The following SHROOM3 variants were observed in gnomAD, a reference collection of about 807,000 sequenced individuals.
SHROOM3 encodes the protein shroom family member 3, also known as protein Shroom3.
A neutral mutation model predicts 138.6 loss-of-function variants in SHROOM3; 47 were observed. The observed-to-expected ratio is 0.34, with a 90% CI of 0.27 to 0.43. The LOEUF (loss-of-function observed/expected upper bound fraction) is 0.43, where lower values mean the gene tolerates loss of function less well. SHROOM3 is among the 20% of genes least tolerant of loss of function. The pLI is 1.00. For synonymous variants in SHROOM3, 1,062 were observed against 1,063.3 expected (o/e 1.00, Z 0.02); for missense variants, 2,491 against 2,596.5 (o/e 0.96, Z 0.88).
intron 2 of SHROOM3, among the ~76,000 whole-genome samples, chr4:76,644,656 A>G (rs1198422944): frequency 1.3e-5 from 2 of 152,134 alleles, no homozygotes; most frequent in African/African-American, 2.4e-5. Context: ...ACATGTATAC[A>G]TTGTGTAATA....
chr4:76,661,227 C>T (rs1158121777), intron 2 of SHROOM3, among the ~76,000 whole-genome samples: 3 of 151,580 alleles, frequency 2.0e-5, no homozygotes, highest in African/African-American at 7.3e-5. Flanking sequence ...AAACTATAAT[C>T]CATTTTCTTT....
intron 1 of SHROOM3, among the ~76,000 whole-genome samples, chr4:76,551,030 G>A (rs1314729944): frequency 6.6e-6 from 1 of 151,660 alleles, no homozygotes; most frequent in African/African-American, 2.4e-5. Flanking sequence ...TTTCGAGACA[G>A]GGTCTCCCTC....
At position 76,543,051 on chromosome 4, in the gene SHROOM3, T is replaced by G. The variant is rs1733139563; in HGVS notation, c.169-12558T>G. ...GTGGGGTGGGGTGAGCAAGTTCTCT[T>G]CAAAACGCTGAATCCCTGGGACCAT... On this transcript the variant is annotated intron_variant, in intron 1 of 10. Transcript: ENST00000296043. Among the ~76,000 whole-genome samples the G allele has an allele frequency of 2.0e-5, 3 of 152,280 alleles. No individual in the cohort carries two copies. The East Asian group carries it at 5.8e-4, about 29-fold the overall frequency.
chr4:76,485,497 C>T (rs1731710624), intron 1 of SHROOM3, among the ~76,000 whole-genome samples: 1 of 152,114 alleles, frequency 6.6e-6, no homozygotes, highest in Admixed American at 6.5e-5. Context: ...GTTCATTCAC[C>T]TCTTTGTAGA....
chr4:76,741,533 C>A lies in SHROOM3; in HGVS notation c.3360C>A (p.Tyr1120Ter). 1 of 1,552,940 alleles carries A rather than the reference C, an allele frequency of 6.4e-7. No homozygotes were observed. Among genetic ancestry groups the A allele is most frequent in the East Asian group, 2.4e-5 (1 of 41,886 alleles). Residue 1120 changes from tyrosine (Y) to a stop codon, truncating the protein, a stop_gained, in exon 5 of 11, where the codon TAC becomes TAA. Transcript: ENST00000296043. LOFTEE classifies it high-confidence loss of function. This position sits in a 1 kb window ranked among gnomAD's most constrained non-coding sequence, Gnocchi z 6.2. ...GPLRERAQSAYLQPGPAALEG... is the reference protein window; with the variant it reads ...GPLRERAQSA Reference sequence around the variant, plus strand: ...TGCGTGAGCGCGCCCAGAGTGCCTACCTCCAGCCCGGCCCCGCGGCGCTCG... The same window carrying A: ...TGCGTGAGCGCGCCCAGAGTGCCTAACTCCAGCCCGGCCCCGCGGCGCTCG...
At chr4:76,441,086 GTTTTTT>G (rs374530154) in intron 1 of SHROOM3, among the ~76,000 whole-genome samples, 2 of 82,182 alleles carry the variant, frequency 2.4e-5, no homozygotes, top group East Asian at 4.6e-4. Flanking sequence ...AGTTCAATTT[GTTTTTT>G]TTTTTTTTTT....
intron 1 of SHROOM3, among the ~76,000 whole-genome samples, chr4:76,528,946 G>GGGTGACATTAA (rs1206838647): frequency 6.6e-6 from 1 of 152,198 alleles, no homozygotes; most frequent in African/African-American, 2.4e-5. Flanking sequence ...GTGGGCAACT[G>GGGTGACATTAA]TGACGTCTTC....
chr4:76,757,564 G>T (rs1560617814), intron 8 of SHROOM3, among the ~76,000 whole-genome samples: 1 of 152,206 alleles, frequency 6.6e-6, no homozygotes, highest in East Asian at 1.9e-4. Context: ...AGAGCCTAGA[G>T]AAATAGATTC....
At chr4:76,625,821 T>C (rs1484837569) in intron 2 of SHROOM3, among the ~76,000 whole-genome samples, 1 of 152,248 alleles carries the variant, frequency 6.6e-6, no homozygotes, top group Middle Eastern at 3.2e-3. Flanking sequence ...GTATTTAAAC[T>C]TCTCTCTTCC....
At chr4:76,548,896 T>C (rs1248672910) in intron 1 of SHROOM3, among the ~76,000 whole-genome samples, 1 of 151,868 alleles carries the variant, frequency 6.6e-6, no homozygotes, top group Admixed American at 6.5e-5. Flanking sequence ...ACACGGTGTG[T>C]TATCTGAAGT....
intron 2 of SHROOM3, among the ~76,000 whole-genome samples, chr4:76,560,662 A>AT (rs1344618265): frequency 6.6e-6 from 1 of 152,162 alleles, no homozygotes; most frequent in Admixed American, 6.5e-5. Flanking sequence ...TTGTAAGTGA[A>AT]TTTTTTGTGT....
At position 76,740,692 on chromosome 4, in the gene SHROOM3, C is replaced by T. The variant is rs761718159; in HGVS notation, c.2519C>T (p.Pro840Leu). ...ATTCGTTTCTCTGAGTCAGCTGAAC[C>T]CCTAGGCAACGGGGAGCAGCACTTC... is the stretch of plus-strand genomic sequence containing the variant. ...AHIRFSESAE[P>L]LGNGEQHFKN... Residue 840 changes from proline to leucine, a missense_variant, in exon 5 of 11, where the codon CCC (proline) becomes CTC (leucine). Coordinates refer to ENST00000296043, the MANE Select transcript of SHROOM3 (RefSeq NM_020859.4). The surrounding 1 kb of genome is among the most constrained non-coding windows in gnomAD (Gnocchi z 4.0). 10 of 1,614,004 alleles carry T rather than the reference C, an allele frequency of 6.2e-6. No individual in the cohort carries two copies. In the South Asian group the frequency reaches 1.1e-4, roughly 18 times the overall value.
At chr4:76,686,941 T>A (rs1442008631) in intron 2 of SHROOM3, among the ~76,000 whole-genome samples, 1 of 152,190 alleles carries the variant, frequency 6.6e-6, no homozygotes, top group African/African-American at 2.4e-5. Context: ...GGTGTACCTC[T>A]GTGCAGGTGG....
intron 2 of SHROOM3, among the ~76,000 whole-genome samples, chr4:76,626,837 C>A (rs1735159224): frequency 6.6e-6 from 1 of 152,176 alleles, no homozygotes; most frequent in Admixed American, 6.5e-5. Flanking sequence ...AATTAAAGCA[C>A]TATTGTTTTC....
At chr4:76,626,378 G>T (rs924496229) in intron 2 of SHROOM3, among the ~76,000 whole-genome samples, 4 of 152,132 alleles carry the variant, frequency 2.6e-5, no homozygotes, top group Non-Finnish European at 5.9e-5. Context: ...AATGCTGCTT[G>T]CTGCTACATT....
At chr4:76,474,964 T>C (rs910709168) in intron 1 of SHROOM3, among the ~76,000 whole-genome samples, 3 of 151,542 alleles carry the variant, frequency 2.0e-5, no homozygotes, top group Non-Finnish European at 4.4e-5. Flanking sequence ...AAGTGAGGAA[T>C]GTGATTAGAG....
At chr4:76,677,998 A>G (rs1299614234) in intron 2 of SHROOM3, among the ~76,000 whole-genome samples, 2 of 152,208 alleles carry the variant, frequency 1.3e-5, no homozygotes, top group Non-Finnish European at 2.9e-5. Context: ...AGTACTCTGA[A>G]GAGTTATCGT....
At chr4:76,639,132 G>A (rs1735587909) in intron 2 of SHROOM3, among the ~76,000 whole-genome samples, 1 of 152,122 alleles carries the variant, frequency 6.6e-6, no homozygotes, top group African/African-American at 2.4e-5. Context: ...TTTGGCTAGT[G>A]TCCCTCAGTA....
intron 2 of SHROOM3, among the ~76,000 whole-genome samples, chr4:76,617,326 T>G (rs1734903506): frequency 6.6e-6 from 1 of 152,226 alleles, no homozygotes. Flanking sequence ...TAAGGCAGAA[T>G]GAAAGGCTGT....
Sources: allele counts gnomAD v4.1 joint callset (sites outside exome capture counted in the v4.1 genomes callset), GRCh38; gene constraint gnomAD v4.1.1; non-coding constraint Gnocchi (gnomAD v3.1); transcripts MANE v1.5; gene names NCBI Gene and HGNC (gene_info 2026-07-23, HGNC 2026-07-21).